Variants in GSG1L2 observed in about 807,000 individuals in gnomAD.
The protein encoded by GSG1L2 is GSG1 like 2, also known as germ cell-specific gene 1-like protein 2.
A neutral mutation model predicts 9.0 loss-of-function variants in GSG1L2; 15 were observed. That is an observed-to-expected ratio of 1.67 (90% CI 1.12 to 2.57). The LOEUF is 2.57. GSG1L2 is among the 30% of genes most tolerant of loss of function. GSG1L2 has a pLI of 0.00. For synonymous variants in GSG1L2, 127 were observed against 57.9 expected, an observed-to-expected ratio of 2.19 and a Z score of -5.41; for missense variants, 286 against 150.3, an observed-to-expected ratio of 1.90 and a Z score of -4.72.
intron 4 of GSG1L2, among the ~76,000 whole-genome samples, chr17:9,807,165 G>T (rs1310964862): frequency 1.3e-5 from 2 of 152,116 alleles, no homozygotes; most frequent in Admixed American, 1.3e-4. Flanking sequence ...TTATTTATTA[G>T]GAGTTATAGA....
intron 1 of GSG1L2, among the ~76,000 whole-genome samples, chr17:9,811,627 G>A (rs1006073395): frequency 1.1e-4 from 16 of 152,294 alleles, no homozygotes; most frequent in African/African-American, 3.4e-4. Flanking sequence ...CTACTAACAC[G>A]TCAGCCCAAA....
At position 9,802,505 on chromosome 17, in the gene GSG1L2, G is replaced by T. The variant is rs1490578268; in HGVS notation, c.763C>A (p.Pro255Thr). 1.4e-6 allele frequency: 1 copy of T among 702,538 alleles called. No homozygotes were observed. Among genetic ancestry groups the T allele is most frequent in the African/African-American group, 1.8e-5 (1 of 57,136 alleles). 43.5% of individuals were successfully genotyped at this position (702,538 alleles called of 1,614,324 possible). Reference sequence around the variant, plus strand: ...TTCCAAATGCTCTCCGAAGCCTCGGGTTCCAGGAAGCTGTGTTGAGAGTGC... The same window carrying T: ...TTCCAAATGCTCTCCGAAGCCTCGGTTTCCAGGAAGCTGTGTTGAGAGTGC... ...SRHSQHSFLE[P>T]EASESIWKTG... is the part of the protein sequence containing the mutation. The change falls in exon 5 of 5, where the codon CCC (proline) becomes ACC (threonine). Residue 255 changes from proline (P) to threonine (T), a missense_variant. Coordinates refer to ENST00000399363, the MANE Select transcript of GSG1L2 (RefSeq NM_001310219.2).
rs1269523587 is a variant in GSG1L2 at position 9,816,578 on chromosome 17, G to GTC, written c.310+5183_310+5184insGA. ...TGTGTGCATGCATATCTGTGTCTGT[G>GTC]TGTGCACGTGCGTGTCTGTGTGTCT... On this transcript the variant is annotated intron_variant, in intron 1 of 4. Coordinates refer to ENST00000399363, the MANE Select transcript of GSG1L2 (RefSeq NM_001310219.2). Among the ~76,000 whole-genome samples the GTC allele has an allele frequency of 3.0e-5, 4 of 134,528 alleles. No homozygotes were observed. The East Asian group carries it at 8.7e-4, about 29-fold the overall frequency. The allele number at this position is 134,528 out of a possible 152,430, so 88.3% of individuals were successfully genotyped here. A position where few individuals can be genotyped will look rare whatever the true frequency, so the allele number is the denominator to read the frequency against.
chr17:9,811,917 G>A (rs990456848), intron 1 of GSG1L2, among the ~76,000 whole-genome samples: 1 of 152,224 alleles, frequency 6.6e-6, no homozygotes, highest in Non-Finnish European at 1.5e-5. Flanking sequence ...GGGAGCTGAA[G>A]CAGAGCATGT....
chr17:9,812,962 C>A (rs1055161564), intron 1 of GSG1L2, among the ~76,000 whole-genome samples: 3 of 152,140 alleles, frequency 2.0e-5, no homozygotes, highest in Non-Finnish European at 1.5e-5. Context: ...TGCTCTCTAG[C>A]CTCTTCTTAT....
chr17:9,809,664 G>A (rs1048693135), intron 2 of GSG1L2: 7 of 152,740 alleles, frequency 4.6e-5, no homozygotes, highest in Admixed American at 2.0e-4. Flanking sequence ...TGATTGGTGC[G>A]CTTTACAGAG....
chr17:9,812,929 G>A (rs547684122), intron 1 of GSG1L2, among the ~76,000 whole-genome samples: 18 of 152,240 alleles, frequency 1.2e-4, no homozygotes, highest in African/African-American at 2.4e-4. Context: ...TAGTAACCTC[G>A]CACGGCAGAA....
At chr17:9,806,023 TGCCTGAGAGGTG>T (rs1265903214) in intron 4 of GSG1L2, among the ~76,000 whole-genome samples, 2 of 152,210 alleles carry the variant, frequency 1.3e-5, no homozygotes. Context: ...CCTGTGCAAG[TGCCTGAGAGGTG>T]GCCTTTTGAT....
At chr17:9,813,687 C>T (rs1420335333) in intron 1 of GSG1L2, among the ~76,000 whole-genome samples, 3 of 152,188 alleles carry the variant, frequency 2.0e-5, no homozygotes, top group Non-Finnish European at 4.4e-5. Flanking sequence ...CCTTCTCTCA[C>T]GTCGCCTCAT....
At position 9,800,804 on chromosome 17, in the gene GSG1L2, C is replaced by T. The variant is rs1363156562; in HGVS notation, c.*1582G>A. Among the ~76,000 whole-genome samples the T allele has an allele frequency of 1.3e-5, 2 of 152,190 alleles. No individual in the cohort carries two copies. Among genetic ancestry groups the T allele is most frequent in the African/African-American group, 4.8e-5 (2 of 41,458 alleles). On this transcript the variant is annotated 3_prime_UTR_variant, in exon 5 of 5. Transcript: ENST00000399363. ...AGGGATGAAAAACCATATGAAAGAACCTGCACACTGCAAAGGGCAGAGGCT... is the reference window on the plus strand; with the variant it reads ...AGGGATGAAAAACCATATGAAAGAATCTGCACACTGCAAAGGGCAGAGGCT...
intron 1 of GSG1L2, among the ~76,000 whole-genome samples, chr17:9,815,569 T>TTGATGTGC (rs2066556248): frequency 6.6e-6 from 1 of 152,352 alleles, no homozygotes; most frequent in South Asian, 2.1e-4. Context: ...CTCAGAGATT[T>TTGATGTGC]TGATGTGCTA....
At chr17:9,814,132 C>T (rs1318394078) in intron 1 of GSG1L2, among the ~76,000 whole-genome samples, 2 of 152,184 alleles carry the variant, frequency 1.3e-5, no homozygotes, top group Non-Finnish European at 2.9e-5. Flanking sequence ...GACAGGGTTT[C>T]ACCATGTTGG....
intron 1 of GSG1L2, among the ~76,000 whole-genome samples, chr17:9,812,943 G>A (rs1161030140): frequency 6.6e-6 from 1 of 152,180 alleles, no homozygotes; most frequent in Non-Finnish European, 1.5e-5. Flanking sequence ...GGCAGAAAGA[G>A]ATCTGGCTTG....
intron 1 of GSG1L2, 29 bp from the exon 2 acceptor site, chr17:9,810,647 G>A (rs969811455): frequency 1.0e-5 from 7 of 702,992 alleles, no homozygotes; most frequent in Non-Finnish European, 1.8e-5. Flanking sequence ...GCATCCAGAA[G>A]TGGGTTACAC....
intron 1 of GSG1L2, among the ~76,000 whole-genome samples, chr17:9,813,909 G>T (rs1237815185): frequency 3.3e-5 from 5 of 151,958 alleles, no homozygotes; most frequent in African/African-American, 1.2e-4. Context: ...AGAAAGTTGT[G>T]AAAGTATTTT....
rs1597941616 is a variant in GSG1L2 at position 9,810,201 on chromosome 17, G to T, written c.358+370C>A. ...ACTGAGTGTTAGGGAGCTTTAGAGA[G>T]AAGAAAAAACTGCTCTAGGCAGTGG... is the stretch of plus-strand genomic sequence containing the variant. On this transcript the variant is annotated intron_variant, in intron 2 of 4. Coordinates refer to ENST00000399363, the MANE Select transcript of GSG1L2 (RefSeq NM_001310219.2). 2.8e-5 allele frequency: 8 copies of T among 281,228 alleles called. No individual in the cohort carries two copies. The East Asian group carries it at 5.3e-4, about 18-fold the overall frequency. 17.4% of individuals were successfully genotyped at this position (281,228 alleles called of 1,614,324 possible).
chr17:9,821,591 C>A (rs559353910), intron 1 of GSG1L2, among the ~76,000 whole-genome samples, 171 bp downstream of exon 1: 1 of 152,262 alleles, frequency 6.6e-6, no homozygotes, highest in African/African-American at 2.4e-5. Flanking sequence ...GATACCTAGA[C>A]AATCAGTGGA....
chr17:9,812,767 C>T (rs927741732), intron 1 of GSG1L2, among the ~76,000 whole-genome samples: 1 of 152,066 alleles, frequency 6.6e-6, no homozygotes, highest in African/African-American at 2.4e-5. Context: ...ACTAGAGGCG[C>T]ACGCCACCAC....
At chr17:9,816,872 G>GTGTGTGTCTCTC (rs2066568490) in intron 1 of GSG1L2, among the ~76,000 whole-genome samples, 5 of 134,692 alleles carry the variant, frequency 3.7e-5, no homozygotes, top group African/African-American at 1.6e-4. Context: ...GTGTGTGTCT[G>GTGTGTGTCTCTC]TGTGTGTATC....
Sources: allele counts gnomAD v4.1 joint callset (sites outside exome capture counted in the v4.1 genomes callset), GRCh38; gene constraint gnomAD v4.1.1; transcripts MANE v1.5; gene names NCBI Gene and HGNC (gene_info 2026-07-23, HGNC 2026-07-21).